ATG14: variants seen among roughly 807,000 people sequenced by gnomAD.
ATG14 encodes autophagy related 14.
In ATG14, 35 loss-of-function variants were observed where a neutral mutation model predicts 60.4. The ratio of observed to expected loss-of-function variants is 0.58; its 90% CI spans 0.44 to 0.77. The LOEUF is 0.77. ATG14 is among the 30% of genes least tolerant of loss of function. ATG14 has a pLI of 0.00. For synonymous variants in ATG14, 234 were observed against 228.8 expected (o/e 1.02, Z -0.21); for missense variants, 647 against 626.3 (o/e 1.03, Z -0.35).
At chr14:55,380,875 A>ATATATATATTTTTTT (rs377330757) in intron 6 of ATG14, among the ~76,000 whole-genome samples, 185 bp from the exon 7 acceptor site, 76 of 112,670 alleles carry the variant, frequency 6.7e-4, no homozygotes, top group Non-Finnish European at 1.2e-3. Context: ...ATATATATAT[A>ATATATATATTTTTTT]TTTTTTTTTT....
rs776965556 is a variant in ATG14, at chr14:55,369,923, G to A, written c.1175C>T (p.Ser392Leu). 3 of 1,602,076 alleles carry A rather than the reference G, an allele frequency of 1.9e-6. No homozygotes were observed. The highest frequency in any genetic ancestry group is 2.2e-5 in the East Asian group (1 of 44,692). ...GTCTGCTCGTACTTCAAAGGGCCCTGACCTGTGTGCAGACAATGAGGGTCT... is the reference window on the plus strand; with the variant it reads ...GTCTGCTCGTACTTCAAAGGGCCCTAACCTGTGTGCAGACAATGAGGGTCT... The part of the protein sequence containing the change: ...VSPSSEHLGR[S>L]GPFEVRADLE... The change falls in exon 10 of 10, where the codon TCA becomes TTA. Residue 392 changes from serine to leucine, a missense_variant and splice_region_variant. By Grantham distance (145) the Ser-to-Leu change is moderately radical. Transcript: ENST00000247178.
At chr14:55,410,905 A>C (rs1727968163) in intron 1 of ATG14, among the ~76,000 whole-genome samples, 1 of 143,456 alleles carries the variant, frequency 7.0e-6, no homozygotes, top group Non-Finnish European at 1.5e-5. Flanking sequence ...CAATTTTCTT[A>C]ACCAAGAACT....
Position 55,411,624 on chromosome 14 carries a change from A to G in ATG14, c.199T>C (p.Phe67Leu). ...KCVQSGDFVY[F>L]DGRDRERFID... ...TACCTCTCCCGGTCGCGGCCGTCGAAGTAGACGAAATCGCCGCTCTGAACG... is the reference window on the plus strand; with the variant it reads ...TACCTCTCCCGGTCGCGGCCGTCGAGGTAGACGAAATCGCCGCTCTGAACG... The change falls in exon 1 of 10, where the codon TTC becomes CTC. Residue 67 changes from phenylalanine (F) to leucine (L), a missense_variant. Phe to Leu is a conservative substitution (Grantham distance 22). Coordinates refer to ENST00000247178, the MANE Select transcript of ATG14 (RefSeq NM_014924.5). 6.2e-7 allele frequency: 1 copy of G among 1,611,884 alleles called. No individual in the cohort carries two copies. Among genetic ancestry groups the G allele is most frequent in the Non-Finnish European group, 8.5e-7 (1 of 1,179,558 alleles).
chr14:55,385,289 G>C (rs759679566), intron 5 of ATG14, among the ~76,000 whole-genome samples: 3 of 151,212 alleles, frequency 2.0e-5, no homozygotes, highest in Non-Finnish European at 3.0e-5. Context: ...TGGTTCTCTG[G>C]TTTTTTTTTG....
chr14:55,383,563 A>C (rs2140132841), intron 5 of ATG14, among the ~76,000 whole-genome samples: 1 of 152,028 alleles, frequency 6.6e-6, no homozygotes, highest in South Asian at 2.1e-4. Flanking sequence ...AAAAACACAA[A>C]AAAACAAAAC....
intron 7 of ATG14, among the ~76,000 whole-genome samples, chr14:55,379,328 G>C (rs1884984298): frequency 6.6e-6 from 1 of 151,884 alleles, no homozygotes; most frequent in African/African-American, 2.4e-5. Context: ...TTGAGCCCAG[G>C]AGTTCAAGAC....
chr14:55,402,955 ATATATAT>A (rs1885432044), intron 1 of ATG14, among the ~76,000 whole-genome samples: 1 of 77,930 alleles, frequency 1.3e-5, no homozygotes, highest in Non-Finnish European at 2.7e-5. Context: ...ATATATATAT[ATATATAT>A]ATATATAAAT....
At chr14:55,402,926 AAT>A (rs71131262) in intron 1 of ATG14, among the ~76,000 whole-genome samples, 482 of 16,386 alleles carry the variant, frequency 0.029, 3 homozygotes, top group Middle Eastern at 0.045. Context: ...AAAAAAAAAA[AAT>A]ATATATATAT....
intron 1 of ATG14, among the ~76,000 whole-genome samples, chr14:55,402,968 T>TATATATATATAA (rs1336670488): frequency 6.6e-5 from 4 of 60,984 alleles, no homozygotes; most frequent in African/African-American, 1.1e-4. Context: ...TATATATATA[T>TATATATATATAA]AAATAGCTGG....
In ATG14 at chr14:55,377,850, G is replaced by A. The variant is rs201940341; in HGVS notation, c.1141C>T (p.Leu381=). Residue 381 remains leucine, a synonymous_variant, in exon 9 of 10, where the codon CTG becomes TTG. Transcript: ENST00000247178. ...AGGTGTTCAGAGCTTGGACTGACCA[G>A]GTACATTAGATTCCTGAGGGTATGC... ...PLHTLRNLMY[L]VSPSSEHLGR... is the part of the protein sequence containing the mutation. 1 of 1,601,226 alleles carries A rather than the reference G, an allele frequency of 6.2e-7. No homozygotes were observed. The highest frequency in any genetic ancestry group is 8.5e-7 in the Non-Finnish European group (1 of 1,176,370).
chr14:55,403,446 A>C (rs1260360253), intron 1 of ATG14, among the ~76,000 whole-genome samples: 1 of 152,216 alleles, frequency 6.6e-6, no homozygotes, highest in Non-Finnish European at 1.5e-5. Context: ...AGCTTACTCT[A>C]AACTGGGACA....
At chr14:55,407,275 T>A (rs1176779731) in intron 1 of ATG14, among the ~76,000 whole-genome samples, 2 of 152,188 alleles carry the variant, frequency 1.3e-5, no homozygotes, top group Admixed American at 6.5e-5. Context: ...ACCACAGGCA[T>A]GCGTGCCACC....
chr14:55,398,033 C>T (rs1163351144), intron 1 of ATG14, among the ~76,000 whole-genome samples: 4 of 150,838 alleles, frequency 2.7e-5, no homozygotes, highest in Admixed American at 6.6e-5. Context: ...CTGCAAGCTC[C>T]GCCTCCTGGG....
At position 55,389,828 on chromosome 14, in the gene ATG14, G is replaced by A. The variant is rs563478787; in HGVS notation, c.409+1083C>T. On this transcript the variant is annotated intron_variant, in intron 4 of 9. Transcript: ENST00000247178. ...AGGATTAGAAACGAGTATTCTTGGG[G>A]CAAATGGGAAGTGGCTTAAGGATGT... 9.2e-5 allele frequency among the ~76,000 whole-genome samples: 14 copies of A among 152,306 alleles called. No individual in the cohort carries two copies. In the East Asian group the frequency reaches 2.5e-3, roughly 27 times the overall value.
chr14:55,390,042 G>C (rs562293287), intron 4 of ATG14, among the ~76,000 whole-genome samples: 4 of 151,632 alleles, frequency 2.6e-5, no homozygotes, highest in African/African-American at 9.7e-5. Flanking sequence ...TGAGCTTCCT[G>C]CTAGCCAAGG....
At chr14:55,370,890 C>T (rs1268936655) in intron 9 of ATG14, among the ~76,000 whole-genome samples, 2 of 152,158 alleles carry the variant, frequency 1.3e-5, no homozygotes, top group Non-Finnish European at 2.9e-5. Flanking sequence ...ATCCACCCAC[C>T]CCTGCCTCTC....
chr14:55,383,828 T>C (rs961504009), intron 5 of ATG14, among the ~76,000 whole-genome samples: 1 of 151,630 alleles, frequency 6.6e-6, no homozygotes, highest in African/African-American at 2.4e-5. Context: ...GGGAAGAACA[T>C]AGCATGCTTG....
At chr14:55,380,083 C>G (rs187794755) in intron 7 of ATG14, among the ~76,000 whole-genome samples, 11 of 152,144 alleles carry the variant, frequency 7.2e-5, no homozygotes, top group African/African-American at 2.2e-4. Flanking sequence ...CCCCCTCACT[C>G]CTAGAAATAC....
At chr14:55,387,470 A>G (rs1221853140) in intron 4 of ATG14, among the ~76,000 whole-genome samples, 1 of 152,112 alleles carries the variant, frequency 6.6e-6, no homozygotes, top group Non-Finnish European at 1.5e-5. Context: ...TGCTCTTCGG[A>G]ACCCTATGGT....
Sources: allele counts gnomAD v4.1 joint callset (sites outside exome capture counted in the v4.1 genomes callset), GRCh38; gene constraint gnomAD v4.1.1; transcripts MANE v1.5; gene names NCBI Gene and HGNC (gene_info 2026-07-23, HGNC 2026-07-21).